TRPM3: variants seen among roughly 807,000 people sequenced by gnomAD.
TRPM3 encodes long transient receptor potential channel 3.
Under a neutral mutation model 181.2 loss-of-function variants are expected in TRPM3, and 77 were observed. The ratio of observed to expected loss-of-function variants is 0.42; its 90% CI spans 0.35 to 0.51. The LOEUF (loss-of-function observed/expected upper bound fraction) is 0.51, where lower values mean the gene tolerates loss of function less well. Among genes scored for constraint, TRPM3 ranks in the 20% least tolerant of loss-of-function variants. TRPM3 has a pLI of 0.01. For missense variants in TRPM3, 1,759 were observed against 2,196.7 expected, an observed-to-expected ratio of 0.80 and a Z score of 3.98; for synonymous variants, 745 against 796.4, an observed-to-expected ratio of 0.94 and a Z score of 1.09.
intron 8 of TRPM3, among the ~76,000 whole-genome samples, chr9:70,752,033 TGTGTGTGTGTGTGTGTGCGC>T (rs1041057557): frequency 4.3e-5 from 5 of 115,930 alleles, no homozygotes; most frequent in East Asian, 2.8e-4. Flanking sequence ...TGTGTGTGTG[TGTGTGTGTGTGTGTGTGCGC>T]GCGCGCGCGC....
Position 70,953,714 on chromosome 9 carries a change from C to T in TRPM3, c.178-89203G>A, listed in dbSNP as rs563605873. On this transcript the variant is annotated intron_variant, in intron 1 of 25. Coordinates refer to ENST00000677713, the MANE Select transcript of TRPM3 (RefSeq NM_001366145.2). ...AATGTGTGTACATATAAGCCACAAG[C>T]TCTAATGCAGAACACTCCAGTGAGT... Among the ~76,000 whole-genome samples, 7 of 152,260 alleles carry T rather than the reference C, an allele frequency of 4.6e-5. No individual in the cohort carries two copies. The East Asian group carries it at 1.4e-3, about 29-fold the overall frequency.
intron 1 of TRPM3, among the ~76,000 whole-genome samples, chr9:70,937,341 G>A (rs2096838232): frequency 6.6e-6 from 1 of 152,144 alleles, no homozygotes; most frequent in South Asian, 2.1e-4. Flanking sequence ...CTCTTTGGCA[G>A]TGTACCATCC....
chr9:71,001,494 C>T lies in TRPM3; in HGVS notation c.177+119684G>A, dbSNP rs117481485. ...GAGCACCAGAAGTTACTTTTCCTAC[C>T]GATCCAAATGCATTCTGCACAAGCT... On this transcript the variant is annotated intron_variant, in intron 1 of 25. Transcript: ENST00000677713. 7.9e-5 allele frequency among the ~76,000 whole-genome samples: 12 copies of T among 152,280 alleles called. No individual in the cohort carries two copies. In the East Asian group the frequency reaches 1.7e-3, roughly 22 times the overall value.
At chr9:71,386,890 T>A (rs2092936210) in intron 1 of TRPM3, among the ~76,000 whole-genome samples, 1 of 152,164 alleles carries the variant, frequency 6.6e-6, no homozygotes, top group South Asian at 2.1e-4. Context: ...CTGACAGACA[T>A]ATACACAATA....
At chr9:71,443,939 G>A (rs1032669470) in intron 1 of TRPM3, among the ~76,000 whole-genome samples, 4 of 152,078 alleles carry the variant, frequency 2.6e-5, no homozygotes, top group African/African-American at 9.7e-5. Flanking sequence ...CCAGCACTTC[G>A]GGAGGCCAAG....
rs1480277105 is a variant in TRPM3 at position 70,766,032 on chromosome 9, T to A, written c.1149-4308A>T. Among the ~76,000 whole-genome samples the A allele has an allele frequency of 3.3e-5, 5 of 152,278 alleles. 1 individual carries two copies. In the South Asian group the frequency reaches 8.3e-4, roughly 25 times the overall value. The stretch of plus-strand genomic sequence containing the variant: ...TAATTTGTGGCTTTGTATCTACCCA[T>A]GTTATTTTTGGTACATCTCAAATTA... On this transcript the variant is annotated intron_variant, in intron 7 of 25. Transcript: ENST00000677713.
chr9:70,559,237 A>T (rs1269974623), intron 22 of TRPM3, among the ~76,000 whole-genome samples: 1 of 152,182 alleles, frequency 6.6e-6, no homozygotes, highest in Non-Finnish European at 1.5e-5. Flanking sequence ...GCCTGCAGAC[A>T]TGGATGTCAC....
intron 1 of TRPM3, among the ~76,000 whole-genome samples, chr9:71,222,952 C>T (rs575094715): frequency 1.4e-3 from 206 of 152,220 alleles, no homozygotes; most frequent in African/African-American, 4.6e-3. Flanking sequence ...TCCAAATAAA[C>T]TTGAAAGGCA....
chr9:70,935,720 T>G (rs189081629), intron 1 of TRPM3, among the ~76,000 whole-genome samples: 2 of 152,332 alleles, frequency 1.3e-5, no homozygotes, highest in Admixed American at 1.3e-4. Flanking sequence ...GACACCTAAA[T>G]TTGTTTTCTG....
Position 70,625,240 on chromosome 9 carries a change from G to T in TRPM3, c.1760C>A (p.Thr587Lys), listed in dbSNP as rs372213828. The change falls in exon 14 of 26, where the codon ACG becomes AAG. Residue 587 changes from threonine (T) to lysine (K), a missense_variant. Around this residue, in one of 8 missense-constraint regions of TRPM3, gnomAD observed 737 missense variants for 957.4 expected, o/e 0.77. Coordinates refer to ENST00000677713, the MANE Select transcript of TRPM3 (RefSeq NM_001366145.2). The surrounding 1 kb of genome is among the most constrained non-coding windows in gnomAD (Gnocchi z 4.8). ...GTAGAGGGTCCGGAAGCGCTTGCGCGTGTAGTTGCAGCGATAAGCCCCGCC... is the reference window on the plus strand; with the variant it reads ...GTAGAGGGTCCGGAAGCGCTTGCGCTTGTAGTTGCAGCGATAAGCCCCGCC... ...LMGGAYRCNY[T>K]RKRFRTLYHN... 1 of 1,614,016 alleles carries T rather than the reference G, an allele frequency of 6.2e-7. No individual in the cohort carries two copies. Among genetic ancestry groups the T allele is most frequent in the Non-Finnish European group, 8.5e-7 (1 of 1,180,038 alleles).
intron 9 of TRPM3, among the ~76,000 whole-genome samples, chr9:70,641,702 G>A (rs778028481): frequency 6.6e-6 from 1 of 152,186 alleles, no homozygotes; most frequent in Non-Finnish European, 1.5e-5. Flanking sequence ...GAACTGGAAA[G>A]CACAGATACA....
At chr9:70,754,055 A>G (rs1402880807) in intron 8 of TRPM3, among the ~76,000 whole-genome samples, 1 of 152,118 alleles carries the variant, frequency 6.6e-6, no homozygotes, top group Non-Finnish European at 1.5e-5. Context: ...AAGCAAATGT[A>G]CTGCCCCAGT....
chr9:71,031,511 T>C (rs1183858034), intron 1 of TRPM3, among the ~76,000 whole-genome samples: 1 of 152,178 alleles, frequency 6.6e-6, no homozygotes, highest in Non-Finnish European at 1.5e-5. Context: ...CATGCAGTGA[T>C]ACCTAAGAAA....
At position 70,602,106 on chromosome 9, in the gene TRPM3, C is replaced by CTTTTTTTTTTTTTTTTTTTTTTTT. The variant is rs6151027; in HGVS notation, c.2796+1235_2796+1236insAAAAAAAAAAAAAAAAAAAAAAAA. ...CCAGCTGGAACAAGGCAAGGCATTCCTTTTTTTTTTTTTTTTTTAAATCCA... is the reference window on the plus strand; with the variant it reads ...CCAGCTGGAACAAGGCAAGGCATTCCTTTTTTTTTTTTTTTTTTTTTTTTTTTTTTTTTTTTTTTTTTAAATCCA... On this transcript the variant is annotated intron_variant, in intron 20 of 25. Transcript: ENST00000677713. 3.9e-5 allele frequency among the ~76,000 whole-genome samples: 5 copies of CTTTTTTTTTTTTTTTTTTTTTTTT among 128,204 alleles called. 2 individuals are homozygous for CTTTTTTTTTTTTTTTTTTTTTTTT. Among genetic ancestry groups the CTTTTTTTTTTTTTTTTTTTTTTTT allele is most frequent in the African/African-American group, 8.8e-5 (3 of 33,994 alleles). 84.1% of individuals were successfully genotyped at this position (128,204 alleles called of 152,430 possible). A position where few individuals can be genotyped will look rare whatever the true frequency, so the allele number is the denominator to read the frequency against.
At chr9:71,137,049 T>C (rs2074811145) in intron 1 of TRPM3, among the ~76,000 whole-genome samples, 1 of 152,198 alleles carries the variant, frequency 6.6e-6, no homozygotes, top group African/African-American at 2.4e-5. Context: ...CCAAGACTAG[T>C]ACAAGGAAAG....
chr9:71,438,456 G>A (rs2094081899), intron 1 of TRPM3, among the ~76,000 whole-genome samples: 1 of 152,024 alleles, frequency 6.6e-6, no homozygotes, highest in South Asian at 2.1e-4. Flanking sequence ...GATCACTTGA[G>A]CCCAGGAGTT....
At chr9:70,549,202 C>T (rs969819783) in intron 25 of TRPM3, among the ~76,000 whole-genome samples, 2 of 152,260 alleles carry the variant, frequency 1.3e-5, no homozygotes, top group African/African-American at 4.8e-5. Context: ...TAATGGAGAG[C>T]CTAGAGTCAG....
chr9:71,183,333 A>C (rs1035119284), intron 1 of TRPM3, among the ~76,000 whole-genome samples: 1 of 152,158 alleles, frequency 6.6e-6, no homozygotes, highest in Non-Finnish European at 1.5e-5. Flanking sequence ...GGAACAGAGA[A>C]GAAAACATCT....
chr9:71,155,367 G>C (rs988044215), intron 1 of TRPM3, among the ~76,000 whole-genome samples: 2 of 151,854 alleles, frequency 1.3e-5, no homozygotes, highest in African/African-American at 2.4e-5. Context: ...ACCCAGGCTG[G>C]AGTGCAATGG....
Sources: allele counts gnomAD v4.1 joint callset (sites outside exome capture counted in the v4.1 genomes callset), GRCh38; gene constraint gnomAD v4.1.1; regional missense constraint gnomAD v4.1.1; non-coding constraint Gnocchi (gnomAD v3.1); transcripts MANE v1.5; gene names NCBI Gene and HGNC (gene_info 2026-07-23, HGNC 2026-07-21).